Variants in CTNNA3 observed in about 807,000 individuals in gnomAD.
CTNNA3 encodes catenin alpha-3.
Under a neutral mutation model 95.7 loss-of-function variants are expected in CTNNA3, and 76 were observed. The observed-to-expected ratio is 0.79, with a 90% confidence interval of 0.66 to 0.96. The LOEUF (loss-of-function observed/expected upper bound fraction) is 0.96, where lower values mean the gene tolerates loss of function less well. Among genes scored for constraint, CTNNA3 ranks in the 40% least tolerant of loss-of-function variants. The pLI, the probability that CTNNA3 is intolerant of heterozygous loss-of-function variation, is 0.00. For missense variants in CTNNA3, 1,191 were observed against 1,089.8 expected (o/e 1.09, Z -1.31); for synonymous variants, 431 against 374.4 (o/e 1.15, Z -1.74).
At position 66,171,794 on chromosome 10, in the gene CTNNA3, T is replaced by C. The variant is rs549304977; in HGVS notation, c.1885-68545A>G. 2.6e-5 allele frequency among the ~76,000 whole-genome samples: 4 copies of C among 152,186 alleles called. No individual in the cohort carries two copies. The East Asian group carries it at 7.7e-4, about 29-fold the overall frequency. On this transcript the variant is annotated intron_variant, in intron 13 of 17. Transcript: ENST00000433211. ...TGGTGTGATGAAGAATGGCAGACCC[T>C]GGATTTATTGAAAATTTAATTACAT...
intron 7 of CTNNA3, among the ~76,000 whole-genome samples, chr10:66,943,295 ATTAG>A (rs145644130): frequency 0.018 from 2,802 of 152,280 alleles, 70 homozygotes; most frequent in African/African-American, 0.063. Flanking sequence ...TCATTAGTTA[ATTAG>A]TTAGTTAATG....
At chr10:66,241,985 C>T (rs1168462963) in intron 13 of CTNNA3, among the ~76,000 whole-genome samples, 1 of 151,968 alleles carries the variant, frequency 6.6e-6, no homozygotes, top group African/African-American at 2.4e-5. Context: ...TAGGACAAGA[C>T]TGCTATGATT....
intron 7 of CTNNA3, among the ~76,000 whole-genome samples, chr10:67,134,412 T>C (rs1030993119): frequency 1.3e-5 from 2 of 152,110 alleles, no homozygotes; most frequent in Non-Finnish European, 2.9e-5. Flanking sequence ...AAAAAAGGAA[T>C]GTATATTACT....
intron 5 of CTNNA3, among the ~76,000 whole-genome samples, chr10:67,400,156 T>C (rs1272223651): frequency 2.6e-5 from 4 of 151,708 alleles, no homozygotes; most frequent in Non-Finnish European, 4.4e-5. Flanking sequence ...ATTACAATCT[T>C]TAAAATCACA....
At chr10:67,074,185 A>G (rs1471721599) in intron 7 of CTNNA3, among the ~76,000 whole-genome samples, 6 of 151,436 alleles carry the variant, frequency 4.0e-5, no homozygotes, top group Non-Finnish European at 7.4e-5. Context: ...GGCACGTGCC[A>G]CCATGACCAG....
intron 13 of CTNNA3, among the ~76,000 whole-genome samples, chr10:66,246,223 C>T (rs1026794002): frequency 6.6e-5 from 10 of 152,178 alleles, no homozygotes; most frequent in African/African-American, 2.4e-4. Flanking sequence ...GCAGGCACTT[C>T]TGATCCTGAG....
intron 15 of CTNNA3, among the ~76,000 whole-genome samples, chr10:66,036,750 CCACAT>C (rs1420716936): frequency 3.9e-5 from 6 of 151,928 alleles, no homozygotes; most frequent in African/African-American, 2.4e-5. Flanking sequence ...TTAAAACTAT[CCACAT>C]ATACAAAGTT....
chr10:66,883,198 AG>A (rs1162175954), intron 7 of CTNNA3, among the ~76,000 whole-genome samples: 1 of 152,160 alleles, frequency 6.6e-6, no homozygotes, highest in East Asian at 1.9e-4. Context: ...AAGCTTGGAA[AG>A]TTTGCCTAAG....
intron 5 of CTNNA3, among the ~76,000 whole-genome samples, chr10:67,518,155 G>T (rs1839878038): frequency 6.6e-6 from 1 of 152,070 alleles, no homozygotes; most frequent in South Asian, 2.1e-4. Flanking sequence ...CCAGGTTTGG[G>T]TAACTACAAA....
At chr10:66,533,209 CTCT>C (rs1841532262) in intron 10 of CTNNA3, among the ~76,000 whole-genome samples, 1 of 152,124 alleles carries the variant, frequency 6.6e-6, no homozygotes, top group Admixed American at 6.5e-5. Flanking sequence ...TCGATTTCCA[CTCT>C]TCTTTGTCTA....
intron 17 of CTNNA3, among the ~76,000 whole-genome samples, chr10:65,928,369 A>G (rs747545074): frequency 6.6e-6 from 1 of 152,164 alleles, no homozygotes. Flanking sequence ...TATGACGCTA[A>G]CATCACTTTC....
At chr10:67,390,013 G>C (rs1193616427) in intron 5 of CTNNA3, among the ~76,000 whole-genome samples, 1 of 151,608 alleles carries the variant, frequency 6.6e-6, no homozygotes, top group Admixed American at 6.6e-5. Context: ...AAAAGCAAGA[G>C]CAAACACACT....
At chr10:67,452,327 A>G (rs1437203847) in intron 5 of CTNNA3, among the ~76,000 whole-genome samples, 1 of 152,188 alleles carries the variant, frequency 6.6e-6, no homozygotes, top group Admixed American at 6.5e-5. Context: ...GACTCAATTA[A>G]CTTTAAATTA....
intron 15 of CTNNA3, among the ~76,000 whole-genome samples, chr10:66,010,375 T>A: frequency 6.6e-6 from 1 of 152,066 alleles, no homozygotes; most frequent in East Asian, 1.9e-4. Context: ...GATGCTATAG[T>A]AAAGACAAAA....
chr10:66,721,667 G>A (rs1248545171), intron 9 of CTNNA3, among the ~76,000 whole-genome samples: 1 of 152,194 alleles, frequency 6.6e-6, no homozygotes, highest in Non-Finnish European at 1.5e-5. Flanking sequence ...GGGAGCAAGA[G>A]AGGCTGCCCT....
intron 5 of CTNNA3, among the ~76,000 whole-genome samples, chr10:67,276,332 C>T (rs1353757027): frequency 1.3e-5 from 2 of 152,078 alleles, no homozygotes; most frequent in African/African-American, 4.8e-5. Flanking sequence ...AGTCACCAGT[C>T]AGAAGTTGTT....
intron 9 of CTNNA3, among the ~76,000 whole-genome samples, chr10:66,670,009 G>T (rs1038267901): frequency 2.0e-5 from 3 of 151,798 alleles, no homozygotes; most frequent in African/African-American, 7.3e-5. Flanking sequence ...CCAATATGGA[G>T]AATTGAAAAA....
intron 7 of CTNNA3, among the ~76,000 whole-genome samples, chr10:66,817,312 T>G (rs942448929): frequency 1.3e-5 from 2 of 151,438 alleles, no homozygotes; most frequent in Non-Finnish European, 3.0e-5. Context: ...TAATAATAAT[T>G]AAACTAGAAA....
intron 9 of CTNNA3, among the ~76,000 whole-genome samples, chr10:66,640,536 CT>C (rs1028114303): frequency 3.9e-5 from 6 of 152,124 alleles, no homozygotes; most frequent in African/African-American, 1.4e-4. Context: ...ACCTTTCTCC[CT>C]TCATTACAGG....
Sources: gnomAD v4.1 joint callset for allele counts (sites outside exome capture counted in the v4.1 genomes callset) on GRCh38, gnomAD v4.1.1 for gene constraint, MANE v1.5 for transcripts, NCBI Gene and HGNC (gene_info 2026-07-23, HGNC 2026-07-21) for gene names.